Variants in ZNF536 observed in about 807,000 individuals in gnomAD.
ZNF536 encodes zinc finger protein 536.
A neutral mutation model predicts 84.5 loss-of-function variants in ZNF536; 13 were observed. The ratio of observed to expected loss-of-function variants is 0.15; its 90% CI spans 0.10 to 0.24. ZNF536 has a LOEUF of 0.24. Ranked by LOEUF, ZNF536 falls within the 10% of genes least tolerant of loss-of-function variation. ZNF536 has a pLI of 1.00. For missense variants in ZNF536, 1,536 were observed against 1,747.5 expected, an observed-to-expected ratio of 0.88 and a Z score of 2.16; for synonymous variants, 811 against 742.5, an observed-to-expected ratio of 1.09 and a Z score of -1.50.
intron 1 of ZNF536, among the ~76,000 whole-genome samples, chr19:30,607,489 G>T (rs1396744417): frequency 1.3e-5 from 2 of 151,986 alleles, no homozygotes; most frequent in African/African-American, 4.8e-5. Context: ...GGAGGCTCAG[G>T]TGGGCAGATC....
chr19:30,434,301 T>C (rs2051610739), intron 1 of ZNF536, among the ~76,000 whole-genome samples: 1 of 152,236 alleles, frequency 6.6e-6, no homozygotes, highest in Non-Finnish European at 1.5e-5. Flanking sequence ...ACAGACCTGC[T>C]ACATTTCTCC....
chr19:30,675,596 G>C (rs377481993), intron 1 of ZNF536, among the ~76,000 whole-genome samples: 11 of 152,280 alleles, frequency 7.2e-5, no homozygotes, highest in African/African-American at 2.6e-4. Context: ...AGCTGGGAAG[G>C]CTCACAGCTG....
chr19:30,421,890 G>A (rs1568412555), intron 1 of ZNF536, among the ~76,000 whole-genome samples: 1 of 152,152 alleles, frequency 6.6e-6, no homozygotes, highest in African/African-American at 2.4e-5. Context: ...TAATAACATT[G>A]TTCTCTTTTT....
At chr19:30,712,965 G>T (rs368159087) in exon 2 of ZNF536, 5 of 148,156 alleles carry the variant, frequency 3.4e-5, no homozygotes, top group South Asian at 2.2e-4. Flanking sequence ...AAAGAAAAAA[G>T]AAAAAAAAGA....
In ZNF536 at chr19:30,410,623, C is replaced by T. The variant is rs533419662; in HGVS notation, c.-2-32938C>T. Among the ~76,000 whole-genome samples, 3 of 152,046 alleles carry T rather than the reference C, an allele frequency of 2.0e-5. No individual in the cohort carries two copies. The East Asian group carries it at 5.8e-4, about 29-fold the overall frequency. ...CCGCGTAGCTGGGACTACAGGCGCC[C>T]GCCACCACGCCCGGCTAATTTTTTT... On this transcript the variant is annotated intron_variant, in intron 1 of 4. Coordinates refer to ENST00000355537, the MANE Select transcript of ZNF536 (RefSeq NM_014717.3).
At chr19:30,288,795 G>A (rs575787361) in intron 2 of ZNF536, among the ~76,000 whole-genome samples, 4 of 152,204 alleles carry the variant, frequency 2.6e-5, no homozygotes, top group Non-Finnish European at 4.4e-5. Context: ...TAGGCATTTA[G>A]TACAAGCATG....
chr19:30,383,662 C>CTT (rs1376040374), intron 1 of ZNF536, among the ~76,000 whole-genome samples: 1 of 69,274 alleles, frequency 1.4e-5, no homozygotes, highest in African/African-American at 9.5e-5. Context: ...TTCTCTCTTT[C>CTT]TCTTTCTTTC....
chr19:30,603,863 G>A (rs1197853749), intron 1 of ZNF536, among the ~76,000 whole-genome samples: 1 of 152,124 alleles, frequency 6.6e-6, no homozygotes, highest in African/African-American at 2.4e-5. Flanking sequence ...GCCTAGGGGG[G>A]TGGATCACCT....
chr19:30,305,522 T>C (rs1327874819), intron 2 of ZNF536, among the ~76,000 whole-genome samples: 3 of 152,218 alleles, frequency 2.0e-5, no homozygotes, highest in African/African-American at 7.2e-5. Flanking sequence ...TCTGCAGTCC[T>C]GGCTTTAAGC....
chr19:30,411,978 A>T (rs1397735608), intron 1 of ZNF536, among the ~76,000 whole-genome samples: 1 of 151,574 alleles, frequency 6.6e-6, no homozygotes, highest in Non-Finnish European at 1.5e-5. Flanking sequence ...ACTTTTATAG[A>T]TTTTGCCCAT....
At chr19:30,270,970 C>T (rs904317524) in intron 1 of ZNF536, among the ~76,000 whole-genome samples, 1 of 151,572 alleles carries the variant, frequency 6.6e-6, no homozygotes, top group East Asian at 1.9e-4. Context: ...ATTTCTGAAA[C>T]ATCTGCCATC....
chr19:30,569,559 CTTTTTTTTT>C (rs34995610), intron 1 of ZNF536, among the ~76,000 whole-genome samples: 19 of 55,092 alleles, frequency 3.4e-4, no homozygotes, highest in African/African-American at 9.8e-4. Flanking sequence ...GATAAACGTT[CTTTTTTTTT>C]TTTTTTTTTT....
At chr19:30,409,406 T>C (rs1205175372) in intron 1 of ZNF536, among the ~76,000 whole-genome samples, 2 of 152,176 alleles carry the variant, frequency 1.3e-5, no homozygotes, top group African/African-American at 4.8e-5. Flanking sequence ...TTGTTATCCT[T>C]GGGAGGCGCC....
At chr19:30,287,355 GTGGA>G (rs2045669662) in intron 2 of ZNF536, among the ~76,000 whole-genome samples, 1 of 150,860 alleles carries the variant, frequency 6.6e-6, no homozygotes, top group African/African-American at 2.4e-5. Flanking sequence ...AGATGGATGG[GTGGA>G]TGGGTGGGTG....
intron 1 of ZNF536, among the ~76,000 whole-genome samples, chr19:30,375,896 A>T (rs1262673268): frequency 1.3e-5 from 2 of 151,868 alleles, no homozygotes; most frequent in Admixed American, 1.3e-4. Context: ...TGTGTTAGGG[A>T]TACGTGTAGA....
chr19:30,701,248 AACAC>A (rs1301846647), intron 1 of ZNF536, among the ~76,000 whole-genome samples: 1 of 146,722 alleles, frequency 6.8e-6, no homozygotes, highest in Non-Finnish European at 1.5e-5. Flanking sequence ...CACAAACACA[AACAC>A]ACACACAAAC....
In ZNF536 at chr19:30,445,501, G is replaced by A; in HGVS notation, c.1939G>A (p.Val647Ile). 1.9e-6 allele frequency: 3 copies of A among 1,614,128 alleles called. No homozygotes were observed. Among genetic ancestry groups the A allele is most frequent in the Non-Finnish European group, 2.5e-6 (3 of 1,180,044 alleles). The change falls in exon 2 of 5, where the codon GTC becomes ATC. Residue 647 changes from valine to isoleucine, a missense_variant. Coordinates refer to ENST00000355537, the MANE Select transcript of ZNF536 (RefSeq NM_014717.3). This position sits in a 1 kb window ranked among gnomAD's most constrained non-coding sequence, Gnocchi z 4.5. ...GGTGTTCCGCACTTACCACCAGGTG[G>A]TCGTGCACTCCCGTGTCCACAAGCG... ...GRVFRTYHQV[V>I]VHSRVHKRDR...
At chr19:30,620,779 A>G (rs971469272) in intron 1 of ZNF536, among the ~76,000 whole-genome samples, 1 of 152,208 alleles carries the variant, frequency 6.6e-6, no homozygotes, top group Non-Finnish European at 1.5e-5. Flanking sequence ...GCAAAACAAC[A>G]TAAAAGGTCC....
At chr19:30,477,268 C>T (rs937139083) in intron 2 of ZNF536, among the ~76,000 whole-genome samples, 2 of 152,166 alleles carry the variant, frequency 1.3e-5, no homozygotes, top group African/African-American at 4.8e-5. Flanking sequence ...CATCTCCCCA[C>T]TAGAATGCAG....
Sources: allele counts gnomAD v4.1 joint callset (sites outside exome capture counted in the v4.1 genomes callset), GRCh38; gene constraint gnomAD v4.1.1; non-coding constraint Gnocchi (gnomAD v3.1); transcripts MANE v1.5; gene names NCBI Gene and HGNC (gene_info 2026-07-23, HGNC 2026-07-21).